The following PSTPIP2 variants were observed in gnomAD, a reference collection of about 807,000 sequenced individuals.
PSTPIP2 encodes proline-serine-threonine phosphatase-interacting protein 2.
A neutral mutation model predicts 63.3 loss-of-function variants in PSTPIP2; 33 were observed. The ratio of observed to expected loss-of-function variants is 0.52; its 90% confidence interval spans 0.40 to 0.70. The LOEUF (loss-of-function observed/expected upper bound fraction) is 0.70. Among genes scored for constraint, PSTPIP2 ranks in the 30% least tolerant of loss-of-function variants. PSTPIP2 has a pLI of 0.00. For synonymous variants in PSTPIP2, 125 were observed against 132.7 expected (o/e 0.94, Z 0.40); for missense variants, 312 against 400.7 (o/e 0.78, Z 1.89).
chr18:45,996,831 A>G (rs1163434589), intron 9 of PSTPIP2, among the ~76,000 whole-genome samples: 1 of 152,060 alleles, frequency 6.6e-6, no homozygotes, highest in Non-Finnish European at 1.5e-5. Context: ...AGTCCCATCT[A>G]CTTCACTTGA....
rs186479991 is a variant in PSTPIP2 at position 46,037,026 on chromosome 18, G to A, written c.134+2921C>T. ...TAAGGTATAACATTGGACAAGAGGT[G>A]GTTGTTCAAAAATAATTATTACATA... is the stretch of plus-strand genomic sequence containing the variant. On this transcript the variant is annotated intron_variant, in intron 2 of 14. Transcript: ENST00000409746. 2.7e-3 allele frequency among the ~76,000 whole-genome samples: 406 copies of A among 152,230 alleles called. 1 individual carries two copies. The highest frequency in any genetic ancestry group is 9.1e-3 in the African/African-American group (377 of 41,526).
At chr18:46,069,450 C>T (rs942238683) in intron 1 of PSTPIP2, among the ~76,000 whole-genome samples, 1 of 152,120 alleles carries the variant, frequency 6.6e-6, no homozygotes, top group African/African-American at 2.4e-5. Flanking sequence ...GTACCAATAG[C>T]AGGCAAATTC....
intron 1 of PSTPIP2, among the ~76,000 whole-genome samples, chr18:46,048,772 A>C (rs1222403941): frequency 6.6e-6 from 1 of 152,198 alleles, no homozygotes; most frequent in Non-Finnish European, 1.5e-5. Context: ...CCTGAATGGG[A>C]AATGTTTTCT....
chr18:46,027,987 C>T lies in PSTPIP2; in HGVS notation c.135-3301G>A, dbSNP rs1230000905. On this transcript the variant is annotated intron_variant, in intron 2 of 14. Transcript: ENST00000409746. ...ACCAGTCTGGCCAACATGGTGAAACCCCATCTCTACTAAAAATATAAAAAT... is the reference window on the plus strand; with the variant it reads ...ACCAGTCTGGCCAACATGGTGAAACTCCATCTCTACTAAAAATATAAAAAT... Among the ~76,000 whole-genome samples, 7 of 152,084 alleles carry T rather than the reference C, an allele frequency of 4.6e-5. No individual in the cohort carries two copies. In the East Asian group the frequency reaches 1.4e-3, roughly 29 times the overall value.
intron 1 of PSTPIP2, chr18:46,041,184 G>A (rs1269474262): frequency 2.5e-6 from 1 of 404,904 alleles, no homozygotes; most frequent in Non-Finnish European, 4.9e-6. Context: ...TGGGAAGCAT[G>A]AAACATGCTC....
At chr18:46,027,304 AT>A (rs1365845532) in intron 2 of PSTPIP2, among the ~76,000 whole-genome samples, 6 of 46,758 alleles carry the variant, frequency 1.3e-4, no homozygotes, top group East Asian at 4.8e-4. Flanking sequence ...TCAAAAATAA[AT>A]AAATAAATAA....
intron 2 of PSTPIP2, among the ~76,000 whole-genome samples, 184 bp downstream of exon 2, chr18:46,039,763 C>T (rs1908121434): frequency 6.6e-6 from 1 of 152,158 alleles, no homozygotes; most frequent in Non-Finnish European, 1.5e-5. Flanking sequence ...TCTTATGTGT[C>T]AAACTTGTTT....
chr18:45,993,474 T>C, intron 10 of PSTPIP2, 131 bp downstream of exon 10: 5 of 732,998 alleles, frequency 6.8e-6, no homozygotes. Flanking sequence ...TTCTGTCAAC[T>C]CACTGTATGG....
In PSTPIP2 at chr18:46,002,950, T is replaced by C. The variant is rs76910033; in HGVS notation, c.417+2519A>G. 2.2e-3 allele frequency among the ~76,000 whole-genome samples: 340 copies of C among 152,360 alleles called. 3 individuals are homozygous for C. Among genetic ancestry groups the C allele is most frequent in the Middle Eastern group, 0.014 (4 of 294 alleles). On this transcript the variant is annotated intron_variant, in intron 6 of 14. Transcript: ENST00000409746. ...CGTATCTTTCTGGTATGAAGAGTGA[T>C]ATTTGATTGATTTGGGGGAATTTTT...
chr18:46,049,190 A>C (rs890700382), intron 1 of PSTPIP2, among the ~76,000 whole-genome samples: 1 of 152,118 alleles, frequency 6.6e-6, no homozygotes, highest in Admixed American at 6.5e-5. Flanking sequence ...AATTCAGCAT[A>C]ATAGCCAACT....
chr18:46,059,110 C>T (rs947221534), intron 1 of PSTPIP2, among the ~76,000 whole-genome samples: 6 of 151,432 alleles, frequency 4.0e-5, no homozygotes, highest in South Asian at 2.1e-4. Context: ...GATCTTGGCT[C>T]GCTGCAACCT....
At chr18:45,997,073 A>G (rs1218785298) in intron 9 of PSTPIP2, among the ~76,000 whole-genome samples, 1 of 152,254 alleles carries the variant, frequency 6.6e-6, no homozygotes, top group African/African-American at 2.4e-5. Flanking sequence ...ACCCAACATT[A>G]GACTAAAATT....
chr18:46,070,838 C>T (rs1019219251), intron 1 of PSTPIP2, among the ~76,000 whole-genome samples: 3 of 152,124 alleles, frequency 2.0e-5, no homozygotes, highest in Non-Finnish European at 2.9e-5. Context: ...GTTAGTATCA[C>T]GTCTGCCTCC....
Position 46,021,848 on chromosome 18 carries a change from C to CAAA in PSTPIP2, c.212+2758_212+2760dup, listed in dbSNP as rs59094808. ...TGGGCAACAAAGCGAGACTCTGTCT[C>CAAA]AAAAAAAAAAAAAAAAAAAAAAAAA... On this transcript the variant is annotated intron_variant, in intron 3 of 14. Coordinates refer to ENST00000409746, the MANE Select transcript of PSTPIP2 (RefSeq NM_024430.4). 8.1e-4 allele frequency among the ~76,000 whole-genome samples: 27 copies of CAAA among 33,302 alleles called. 2 individuals carry two copies. The highest frequency in any genetic ancestry group is 1.9e-3 in the African/African-American group (21 of 11,216). The allele number at this position is 33,302 out of a possible 152,430, so 21.8% of individuals were successfully genotyped here. A position where few individuals can be genotyped will look rare whatever the true frequency, so the allele number is the denominator to read the frequency against.
chr18:46,051,892 G>A (rs4890620), intron 1 of PSTPIP2, among the ~76,000 whole-genome samples: 19,538 of 152,220 alleles, frequency 0.13, 1,651 homozygotes, highest in East Asian at 0.41. Context: ...TCACAGGGTA[G>A]AATTAGTGAT....
chr18:46,054,117 T>G (rs1291507151), intron 1 of PSTPIP2, among the ~76,000 whole-genome samples: 1 of 152,236 alleles, frequency 6.6e-6, no homozygotes, highest in African/African-American at 2.4e-5. Flanking sequence ...GTGAGTATTA[T>G]GTATCTAAAC....
At chr18:46,043,249 C>G (rs1248196276) in intron 1 of PSTPIP2, among the ~76,000 whole-genome samples, 3 of 131,402 alleles carry the variant, frequency 2.3e-5, no homozygotes, top group Admixed American at 8.1e-5. Flanking sequence ...AAAAAAAAGC[C>G]AAGTATGGTG....
intron 2 of PSTPIP2, 77 bp downstream of exon 2, chr18:46,039,870 A>G (rs1908126336): frequency 7.7e-7 from 1 of 1,298,586 alleles, no homozygotes; most frequent in African/African-American, 1.5e-5. Flanking sequence ...ACACAAATGA[A>G]AAAAAGGAAA....
intron 4 of PSTPIP2, among the ~76,000 whole-genome samples, chr18:46,013,279 C>A (rs752209203): frequency 6.6e-6 from 1 of 152,008 alleles, no homozygotes; most frequent in Non-Finnish European, 1.5e-5. Context: ...TGATGAGTTA[C>A]GGAGGGAAGA....
Sources: gnomAD v4.1 joint callset for allele counts (sites outside exome capture counted in the v4.1 genomes callset) on GRCh38, gnomAD v4.1.1 for gene constraint, MANE v1.5 for transcripts, NCBI Gene and HGNC (gene_info 2026-07-23, HGNC 2026-07-21) for gene names.